Variants in VPS36 observed in about 807,000 individuals in gnomAD.
VPS36 encodes vacuolar protein-sorting-associated protein 36.
A neutral mutation model predicts 63.5 loss-of-function variants in VPS36; 31 were observed. The ratio of observed to expected loss-of-function variants is 0.49; its 90% confidence interval spans 0.37 to 0.66. The LOEUF (loss-of-function observed/expected upper bound fraction) is 0.66. VPS36 is among the 30% of genes least tolerant of loss of function. The pLI is 0.00. For missense variants in VPS36, 338 were observed against 463.7 expected, an observed-to-expected ratio of 0.73 and a Z score of 2.49; for synonymous variants, 138 against 157.2, an observed-to-expected ratio of 0.88 and a Z score of 0.91.
intron 3 of VPS36, among the ~76,000 whole-genome samples, chr13:52,438,482 G>A (rs1374304822): frequency 6.6e-6 from 1 of 152,092 alleles, no homozygotes; most frequent in African/African-American, 2.4e-5. Context: ...CTAAAGATAA[G>A]CCTACATAGG....
chr13:52,434,829 T>C lies in VPS36; in HGVS notation c.405A>G (p.Pro135=). 2 of 1,614,058 alleles carry C rather than the reference T, an allele frequency of 1.2e-6. No homozygotes were observed. The highest frequency in any genetic ancestry group is 1.7e-6 in the Non-Finnish European group (2 of 1,180,008). The stretch of plus-strand genomic sequence containing the variant: ...TATTTGTTTGTAATGACTGGGAAAC[T>C]GGCATATTCTCCCATCTTCTTTGTG... ...EMTQRRWENM[P]VSQSLQTNRG... Residue 135 remains proline (P), a synonymous_variant, in exon 5 of 14, where the codon CCA becomes CCG. Coordinates refer to ENST00000378060, the MANE Select transcript of VPS36 (RefSeq NM_016075.4).
At position 52,412,926 on chromosome 13, in the gene VPS36, T is replaced by C. The variant is rs1957961277; in HGVS notation, c.*2904A>G. Reference sequence around the variant, plus strand: ...TTAATGCTATAAGAATCTCTTGATATGCAGTTTGTATTTTTGTACTTAATA... The same window carrying C: ...TTAATGCTATAAGAATCTCTTGATACGCAGTTTGTATTTTTGTACTTAATA... On this transcript the variant is annotated 3_prime_UTR_variant, in exon 14 of 14. Transcript: ENST00000378060. The C allele has an allele frequency of 6.5e-6, 1 of 152,672 alleles. No homozygotes were observed. Among genetic ancestry groups the C allele is most frequent in the South Asian group, 2.1e-4 (1 of 4,838 alleles). 9.5% of individuals were successfully genotyped at this position (152,672 alleles called of 1,614,324 possible).
chr13:52,427,114 G>A, intron 7 of VPS36, 48 bp from the exon 8 acceptor site: 1 of 1,602,448 alleles, frequency 6.2e-7, no homozygotes, highest in Non-Finnish European at 8.5e-7. Flanking sequence ...TCCCCAAAAT[G>A]TCTGCTAACA....
intron 11 of VPS36, among the ~76,000 whole-genome samples, chr13:52,417,619 C>CA (rs770883451): frequency 2.0e-5 from 3 of 152,224 alleles, no homozygotes; most frequent in Non-Finnish European, 4.4e-5. Context: ...CTCAGCCTCC[C>CA]AAAGTGCTGG....
chr13:52,449,018 G>T (rs1186157001), intron 1 of VPS36, among the ~76,000 whole-genome samples: 1 of 152,230 alleles, frequency 6.6e-6, no homozygotes, highest in African/African-American at 2.4e-5. Flanking sequence ...TCCGGGGATG[G>T]AAGACTCATC....
At position 52,425,104 on chromosome 13, in the gene VPS36, C is replaced by T. The variant is rs9316575; in HGVS notation, c.774+828G>A. ...TCTACTAAAAATACAAAAAATTAGC[C>T]GGGCGCAGTGGGGTGGCAGGCACCT... On this transcript the variant is annotated intron_variant, in intron 9 of 13. Transcript: ENST00000378060. Among the ~76,000 whole-genome samples, 395 of 150,796 alleles carry T rather than the reference C, an allele frequency of 2.6e-3. 3 individuals are homozygous for T. The highest frequency in any genetic ancestry group is 9.1e-3 in the African/African-American group (374 of 41,004).
At chr13:52,441,770 C>A (rs1304982012) in intron 2 of VPS36, among the ~76,000 whole-genome samples, 1 of 151,536 alleles carries the variant, frequency 6.6e-6, no homozygotes, top group Non-Finnish European at 1.5e-5. Flanking sequence ...GGGGGGGATG[C>A]GTGGGGGACT....
At chr13:52,423,142 A>G (rs1958062477) in intron 10 of VPS36, among the ~76,000 whole-genome samples, 1 of 152,102 alleles carries the variant, frequency 6.6e-6, no homozygotes, top group Non-Finnish European at 1.5e-5. Context: ...TTCTTTTGTA[A>G]ATTGCCCAGT....
Position 52,428,713 on chromosome 13 carries a change from C to T in VPS36, c.529-1494G>A, listed in dbSNP as rs532577803. Among the ~76,000 whole-genome samples, 10 of 152,166 alleles carry T rather than the reference C, an allele frequency of 6.6e-5. No individual in the cohort carries two copies. In the South Asian group the frequency reaches 2.1e-3, roughly 32 times the overall value. On this transcript the variant is annotated intron_variant, in intron 6 of 13. Coordinates refer to ENST00000378060, the MANE Select transcript of VPS36 (RefSeq NM_016075.4). ...CACATTTTGCACACTTAGGTTTTTA[C>T]TTTTAATATATAAGATATTAATAGA...
chr13:52,439,725 C>A lies in VPS36; in HGVS notation c.166-557G>T, dbSNP rs149852038. Among the ~76,000 whole-genome samples, 1,121 of 152,160 alleles carry A rather than the reference C, an allele frequency of 7.4e-3. 6 individuals are homozygous for A. The highest frequency in any genetic ancestry group is 0.017 in the African/African-American group (697 of 41,510). The stretch of plus-strand genomic sequence containing the variant: ...CCTCCCAAAGTGCTGGGATTACAGG[C>A]GTGAGCCACCGCACCCAGCCACAAT... On this transcript the variant is annotated intron_variant, in intron 2 of 13. Transcript: ENST00000378060.
chr13:52,445,537 G>A (rs762160680), intron 1 of VPS36, among the ~76,000 whole-genome samples: 2 of 150,200 alleles, frequency 1.3e-5, no homozygotes, highest in Non-Finnish European at 3.0e-5. Flanking sequence ...TATTCCGGAG[G>A]CTGAGGCAGG....
intron 10 of VPS36, among the ~76,000 whole-genome samples, chr13:52,418,573 C>CAAAAAA (rs1201650906): frequency 2.3e-3 from 71 of 30,906 alleles, no homozygotes; most frequent in Middle Eastern, 0.059. Context: ...GACTCCATCT[C>CAAAAAA]AAAAAAAAAA....
chr13:52,446,631 T>G (rs1022706366), intron 1 of VPS36, among the ~76,000 whole-genome samples: 24 of 152,150 alleles, frequency 1.6e-4, no homozygotes, highest in African/African-American at 5.6e-4. Flanking sequence ...AATTTACATT[T>G]TTTCTGTTAT....
intron 2 of VPS36, among the ~76,000 whole-genome samples, chr13:52,441,779 C>A (rs1160459619): frequency 1.3e-5 from 2 of 151,934 alleles, no homozygotes; most frequent in Non-Finnish European, 2.9e-5. Context: ...GCGTGGGGGA[C>A]TCCTCTTGCT....
chr13:52,441,899 C>G (rs1030374893), intron 2 of VPS36, among the ~76,000 whole-genome samples: 34 of 152,138 alleles, frequency 2.2e-4, no homozygotes, highest in African/African-American at 8.0e-4. Flanking sequence ...TAAGGACATA[C>G]CAGCTCTTTG....
At chr13:52,433,795 A>C in intron 5 of VPS36, 47 bp from the exon 6 acceptor site, 1 of 1,542,028 alleles carries the variant, frequency 6.5e-7, no homozygotes, top group Non-Finnish European at 8.8e-7. Context: ...AATAGGAAGG[A>C]AACAAAATCT....
intron 1 of VPS36, among the ~76,000 whole-genome samples, chr13:52,444,007 G>C (rs1191769120): frequency 1.3e-5 from 2 of 152,090 alleles, no homozygotes; most frequent in Admixed American, 1.3e-4. Context: ...CTGATCCTAA[G>C]TCTGAGCTAA....
At chr13:52,447,857 A>T (rs1958361263) in intron 1 of VPS36, among the ~76,000 whole-genome samples, 1 of 150,498 alleles carries the variant, frequency 6.6e-6, no homozygotes, top group Non-Finnish European at 1.5e-5. Flanking sequence ...ATCTCGGCTC[A>T]CTGTAGCTCC....
intron 6 of VPS36, among the ~76,000 whole-genome samples, chr13:52,433,191 GTCCCCCAGTA>G (rs1958178013): frequency 6.6e-6 from 1 of 152,188 alleles, no homozygotes; most frequent in African/African-American, 2.4e-5. Context: ...GCTCAGGGTT[GTCCCCCAGTA>G]GAAGTGATGG....
Sources: gnomAD v4.1 joint callset for allele counts (sites outside exome capture counted in the v4.1 genomes callset) on GRCh38, gnomAD v4.1.1 for gene constraint, MANE v1.5 for transcripts, NCBI Gene and HGNC (gene_info 2026-07-23, HGNC 2026-07-21) for gene names.